Variants in TSNAX observed in about 807,000 individuals in gnomAD.
TSNAX encodes translin-associated protein X.
A neutral mutation model predicts 33.0 loss-of-function variants in TSNAX; 12 were observed. The ratio of observed to expected loss-of-function variants is 0.36; its 90% CI spans 0.23 to 0.59. TSNAX has a LOEUF of 0.59. Among genes scored for constraint, TSNAX ranks in the 20% least tolerant of loss-of-function variants. The pLI, the probability that TSNAX is intolerant of heterozygous loss-of-function variation, is 0.74. For synonymous variants in TSNAX, 110 were observed against 117.2 expected, an observed-to-expected ratio of 0.94 and a Z score of 0.40; for missense variants, 267 against 341.3, an observed-to-expected ratio of 0.78 and a Z score of 1.72.
In TSNAX at chr1:231,561,262, A is replaced by G; in HGVS notation, c.495+7A>G. The G allele has an allele frequency of 6.7e-7, 1 of 1,492,234 alleles. No individual in the cohort carries two copies. The highest frequency in any genetic ancestry group is 9.2e-7 in the Non-Finnish European group (1 of 1,089,682). 92.4% of individuals were successfully genotyped at this position (1,492,234 alleles called of 1,614,324 possible). A position where few individuals can be genotyped will look rare whatever the true frequency, so the allele number is the denominator to read the frequency against. ...TGGGAAAGAAAATAAAACTGTGAGA[A>G]TTTAAAATTTATTTCACATTTGTTA... On this transcript the variant is annotated splice_region_variant and intron_variant, in intron 5 of 5. Coordinates refer to ENST00000366639, the MANE Select transcript of TSNAX (RefSeq NM_005999.3).
chr1:231,539,817 C>T (rs914765151), intron 3 of TSNAX, among the ~76,000 whole-genome samples: 11 of 151,904 alleles, frequency 7.2e-5, no homozygotes, highest in Admixed American at 2.0e-4. Flanking sequence ...AAATAATAGA[C>T]TTCAGAAAAA....
rs1300306713 is a variant in TSNAX at position 231,528,820 on chromosome 1, AAAG to A, written c.14_16del (p.Glu5del). Reference sequence around the variant, plus strand: ...CGTAGGCTGTGACGACATGAGCAACAAAGAAGGTGGCGTCCTTAACAACACGGG... The same window carrying A: ...CGTAGGCTGTGACGACATGAGCAACAAAGGTGGCGTCCTTAACAACACGGG... On this transcript the variant is annotated inframe_deletion, in exon 1 of 6. Transcript: ENST00000366639. 6.2e-7 allele frequency: 1 copy of A among 1,614,194 alleles called. No individual in the cohort carries two copies. Among genetic ancestry groups the A allele is most frequent in the South Asian group, 1.1e-5 (1 of 91,086 alleles).
chr1:231,564,444 T>C lies in TSNAX; in HGVS notation c.496-84T>C, dbSNP rs115466431. On this transcript the variant is annotated intron_variant, in intron 5 of 5. Coordinates refer to ENST00000366639, the MANE Select transcript of TSNAX (RefSeq NM_005999.3). ...TTTTGTACTTCTATAATAAATGTGA[T>C]ACATGCTATATTCACTCTTTTTCAC... 2.6e-3 allele frequency: 3,896 copies of C among 1,506,274 alleles called. 100 individuals are homozygous for C. The African/African-American group carries it at 0.049, about 19-fold the overall frequency. 93.3% of individuals were successfully genotyped at this position (1,506,274 alleles called of 1,614,324 possible).
intron 4 of TSNAX, among the ~76,000 whole-genome samples, chr1:231,553,632 G>A (rs888498146): frequency 7.3e-5 from 11 of 150,264 alleles, no homozygotes; most frequent in Non-Finnish European, 1.6e-4. Context: ...TGGGCCAGAT[G>A]TCCTTGAACT....
intron 5 of TSNAX, chr1:231,563,579 A>G (rs1174762625): frequency 1.3e-5 from 2 of 154,846 alleles, no homozygotes; most frequent in Non-Finnish European, 2.9e-5. Context: ...GGAAGAGTTA[A>G]CCTCAAACAA....
intron 2 of TSNAX, 166 bp from the exon 3 acceptor site, chr1:231,537,047 G>A (rs1213629507): frequency 1.9e-5 from 9 of 464,444 alleles, no homozygotes; most frequent in Non-Finnish European, 3.5e-5. Context: ...AGGCCAGGAT[G>A]GTCTTGATCT....
At chr1:231,561,096 A>G in intron 4 of TSNAX, 32 bp from the exon 5 acceptor site, 3 of 1,596,926 alleles carry the variant, frequency 1.9e-6, no homozygotes, top group Non-Finnish European at 2.6e-6. Context: ...TTAAGTGCTT[A>G]TTCTTAGTAA....
At chr1:231,558,940 A>G (rs967425580) in intron 4 of TSNAX, among the ~76,000 whole-genome samples, 1 of 152,034 alleles carries the variant, frequency 6.6e-6, no homozygotes, top group Non-Finnish European at 1.5e-5. Context: ...CATTTAGTTA[A>G]GTTTCCTCTT....
At position 231,537,243 on chromosome 1, in the gene TSNAX, A is replaced by G. The variant is rs773241491; in HGVS notation, c.152A>G (p.Asp51Gly). The change falls in exon 3 of 6, where the codon GAC becomes GGC. Residue 51 changes from aspartate to glycine, a missense_variant. Coordinates refer to ENST00000366639, the MANE Select transcript of TSNAX (RefSeq NM_005999.3). ...CAGCAGGAACTTGATGCAAGGCATG[A>G]CAAATATGAGAGACTTGTGAAACTT... ...SFQQELDARHDKYERLVKLSR... is the reference protein window; with the variant it reads ...SFQQELDARHGKYERLVKLSR... 1 of 1,613,268 alleles carries G rather than the reference A, an allele frequency of 6.2e-7. No individual in the cohort carries two copies. Among genetic ancestry groups the G allele is most frequent in the East Asian group, 2.2e-5 (1 of 44,808 alleles).
chr1:231,542,636 A>G, intron 4 of TSNAX, 25 bp downstream of exon 4: 1 of 1,602,988 alleles, frequency 6.2e-7, no homozygotes, highest in Non-Finnish European at 8.5e-7. Context: ...GTTTCAGGGT[A>G]ATATATATTT....
chr1:231,539,527 A>G (rs983008852), intron 3 of TSNAX, among the ~76,000 whole-genome samples: 2 of 152,218 alleles, frequency 1.3e-5, no homozygotes, highest in Non-Finnish European at 2.9e-5. Context: ...TAGGAATATG[A>G]CAGGAGACCT....
chr1:231,563,266 T>C (rs1558139942), intron 5 of TSNAX, among the ~76,000 whole-genome samples: 1 of 152,184 alleles, frequency 6.6e-6, no homozygotes, highest in Non-Finnish European at 1.5e-5. Flanking sequence ...TTAATAACAA[T>C]TTAGGCATCG....
At chr1:231,556,005 C>T (rs1660667998) in intron 4 of TSNAX, among the ~76,000 whole-genome samples, 1 of 152,092 alleles carries the variant, frequency 6.6e-6, no homozygotes, top group Admixed American at 6.5e-5. Context: ...AAGCAATAGA[C>T]AATCAAAAAG....
chr1:231,555,737 G>T (rs767931348), intron 4 of TSNAX, among the ~76,000 whole-genome samples: 1 of 152,178 alleles, frequency 6.6e-6, no homozygotes, highest in Non-Finnish European at 1.5e-5. Context: ...TTACAGAGAT[G>T]ATTGGAGTAA....
At chr1:231,546,611 A>G (rs575861184) in intron 4 of TSNAX, among the ~76,000 whole-genome samples, 44 of 152,358 alleles carry the variant, frequency 2.9e-4, no homozygotes, top group African/African-American at 1.0e-3. Context: ...GAGTGAGATT[A>G]AGAGAGAAGT....
intron 4 of TSNAX, among the ~76,000 whole-genome samples, chr1:231,544,325 T>C (rs1659765504): frequency 6.6e-6 from 1 of 152,234 alleles, no homozygotes; most frequent in East Asian, 1.9e-4. Context: ...CCATAATCTT[T>C]ATCATTTTTT....
At chr1:231,538,776 C>G (rs1372478516) in intron 3 of TSNAX, among the ~76,000 whole-genome samples, 2 of 151,918 alleles carry the variant, frequency 1.3e-5, no homozygotes, top group African/African-American at 2.4e-5. Flanking sequence ...ACAAAAAATA[C>G]AAAAAACTAG....
intron 2 of TSNAX, 140 bp downstream of exon 2, chr1:231,529,499 A>G: frequency 1.3e-6 from 1 of 752,202 alleles, no homozygotes; most frequent in Admixed American, 2.9e-5. Context: ...TGTACCCTAA[A>G]AGTCTGGATT....
At chr1:231,560,571 C>A (rs1006175220) in intron 4 of TSNAX, among the ~76,000 whole-genome samples, 1 of 151,494 alleles carries the variant, frequency 6.6e-6, no homozygotes, top group Non-Finnish European at 1.5e-5. Flanking sequence ...CCTGCCACCA[C>A]ACCCGGCTAA....
Sources: allele counts gnomAD v4.1 joint callset (sites outside exome capture counted in the v4.1 genomes callset), GRCh38; gene constraint gnomAD v4.1.1; transcripts MANE v1.5; gene names NCBI Gene and HGNC (gene_info 2026-07-23, HGNC 2026-07-21).